RGS6: variants seen among roughly 807,000 people sequenced by gnomAD.
RGS6 encodes regulator of G protein signaling 6.
Under a neutral mutation model 78.5 loss-of-function variants are expected in RGS6, and 30 were observed. The observed-to-expected ratio is 0.38, with a 90% CI of 0.29 to 0.52. The LOEUF is 0.52. Among genes scored for constraint, RGS6 ranks in the 20% least tolerant of loss-of-function variants. The probability of loss-of-function intolerance (pLI) is 0.85; values close to 1 mark genes in which losing one functional copy is unlikely to be tolerated. For synonymous variants in RGS6, 206 were observed against 206.0 expected (o/e 1.00, Z 0.00); for missense variants, 495 against 609.7 (o/e 0.81, Z 1.98).
chr14:72,346,377 A>G (rs1219525717), intron 2 of RGS6, among the ~76,000 whole-genome samples: 1 of 152,118 alleles, frequency 6.6e-6, no homozygotes, highest in East Asian at 1.9e-4. Context: ...ATGGAGAAGG[A>G]GCAGTGTGAG....
At chr14:72,580,324 C>G in the RGS6 span, among the ~76,000 whole-genome samples, 1 of 149,930 alleles carries the variant, frequency 6.7e-6, no homozygotes, top group Non-Finnish European at 1.5e-5. Context: ...CACCCCGACC[C>G]CAGGGCCACA....
At chr14:72,483,379 T>C (rs2096420846) in intron 12 of RGS6, among the ~76,000 whole-genome samples, 1 of 152,210 alleles carries the variant, frequency 6.6e-6, no homozygotes, top group African/African-American at 2.4e-5. Context: ...CACAGCTGAC[T>C]GCTGAATTGA....
At chr14:72,540,155 T>C in intron 17 of RGS6, 61 bp downstream of exon 17, 1 of 1,525,472 alleles carries the variant, frequency 6.6e-7, no homozygotes, top group African/African-American at 1.4e-5. Flanking sequence ...TTCTTTCTTC[T>C]TCTTTTTTTT....
the RGS6 span, among the ~76,000 whole-genome samples, chr14:72,592,010 G>A: frequency 6.6e-6 from 1 of 152,292 alleles, no homozygotes; most frequent in African/African-American, 2.4e-5. Context: ...GGAGGGGAGA[G>A]TCATCCAAAA....
intron 2 of RGS6, among the ~76,000 whole-genome samples, chr14:72,153,268 C>T (rs1598456693): frequency 6.6e-6 from 1 of 152,284 alleles, no homozygotes; most frequent in South Asian, 2.1e-4. Flanking sequence ...GGTTGGGTTA[C>T]GGGGCTGCTC....
chr14:72,402,495 A>G (rs866612624), intron 3 of RGS6, among the ~76,000 whole-genome samples: 2 of 152,238 alleles, frequency 1.3e-5, no homozygotes, highest in African/African-American at 4.8e-5. Context: ...CAAGAGGTAT[A>G]TGAAAAAAAT....
chr14:72,562,909 T>A lies in RGS6; in HGVS notation c.*442T>A, dbSNP rs1480670190. On this transcript the variant is annotated 3_prime_UTR_variant, in exon 18 of 18. Coordinates refer to ENST00000553525, the MANE Select transcript of RGS6 (RefSeq NM_001204424.2). ...ACCGAGAGCACATCCAGCATTTGCA[T>A]CACCTCCCTGGCACCTCCCATAGTT... 2 of 709,340 alleles carry A rather than the reference T, an allele frequency of 2.8e-6. No homozygotes were observed. Among genetic ancestry groups the A allele is most frequent in the Non-Finnish European group, 4.9e-6 (2 of 407,732 alleles). 43.9% of individuals were successfully genotyped at this position (709,340 alleles called of 1,614,324 possible). A position where few individuals can be genotyped will look rare whatever the true frequency, so the allele number is the denominator to read the frequency against.
the RGS6 span, among the ~76,000 whole-genome samples, chr14:72,592,848 T>C: frequency 6.6e-6 from 1 of 152,210 alleles, no homozygotes; most frequent in African/African-American, 2.4e-5. Context: ...AAGATGTTTC[T>C]GCAGCCTTAG....
At chr14:72,500,007 T>C (rs997514664) in intron 13 of RGS6, among the ~76,000 whole-genome samples, 15 of 152,222 alleles carry the variant, frequency 9.9e-5, no homozygotes, top group Non-Finnish European at 1.0e-4. Context: ...CATTGGTATT[T>C]GGGAAAGGAG....
intron 2 of RGS6, among the ~76,000 whole-genome samples, chr14:72,319,255 C>T (rs2071179374): frequency 6.6e-6 from 1 of 151,974 alleles, no homozygotes; most frequent in African/African-American, 2.4e-5. Flanking sequence ...CACCAAAGAG[C>T]TCAAAACAGA....
At chr14:72,272,904 C>A (rs147226397) in intron 2 of RGS6, among the ~76,000 whole-genome samples, 3 of 152,200 alleles carry the variant, frequency 2.0e-5, no homozygotes, top group African/African-American at 7.2e-5. Context: ...CACCTGATGT[C>A]AGGAATTTGA....
At chr14:72,562,342 CA>C in intron 17 of RGS6, 74 bp from the exon 18 acceptor site, 1 of 1,455,820 alleles carries the variant, frequency 6.9e-7, no homozygotes, top group Non-Finnish European at 9.6e-7. Flanking sequence ...ACAATTAATT[CA>C]CCTGTCTGGC....
the RGS6 span, among the ~76,000 whole-genome samples, chr14:72,581,743 C>T: frequency 6.6e-6 from 1 of 152,232 alleles, no homozygotes; most frequent in African/African-American, 2.4e-5. Flanking sequence ...CCTATTCTTC[C>T]TCCAGTACTT....
chr14:72,280,111 C>T lies in RGS6; in HGVS notation c.85-71984C>T, dbSNP rs373413393. On this transcript the variant is annotated intron_variant, in intron 2 of 17. Transcript: ENST00000553525. The stretch of plus-strand genomic sequence containing the variant: ...GAAGTCAGCATGGTCCCCACCGCCA[C>T]GCCCCCACCCCAGGCCAAACTCTAA... Among the ~76,000 whole-genome samples the T allele has an allele frequency of 3.1e-3, 473 of 152,102 alleles. 1 individual carries two copies. Among genetic ancestry groups the T allele is most frequent in the African/African-American group, 0.011 (453 of 41,500 alleles).
intron 1 of RGS6, among the ~76,000 whole-genome samples, chr14:71,950,527 C>T (rs1002711143): frequency 6.6e-6 from 1 of 152,034 alleles, no homozygotes; most frequent in Non-Finnish European, 1.5e-5. Flanking sequence ...GATTTCATGA[C>T]AAAAACATCA....
chr14:72,499,192 C>G (rs1264152976), intron 13 of RGS6, among the ~76,000 whole-genome samples: 1 of 152,206 alleles, frequency 6.6e-6, no homozygotes, highest in Non-Finnish European at 1.5e-5. Flanking sequence ...TCTGCGAAAG[C>G]CAATGAGAGG....
intron 3 of RGS6, among the ~76,000 whole-genome samples, chr14:72,407,270 C>T (rs1293599157): frequency 6.6e-6 from 1 of 152,206 alleles, no homozygotes; most frequent in Non-Finnish European, 1.5e-5. Flanking sequence ...TGCTGAGCTG[C>T]ATGATCCTCA....
intron 3 of RGS6, among the ~76,000 whole-genome samples, chr14:72,427,073 C>T (rs550149606): frequency 6.6e-6 from 1 of 152,278 alleles, no homozygotes; most frequent in East Asian, 1.9e-4. Flanking sequence ...TGGCCATCAG[C>T]CTAATTTGCT....
chr14:71,936,030 A>ATATATACACATATATATATATATATG lies in RGS6; in HGVS notation c.-21+3095_-21+3096insCACATATATATATATATATGTATATA, dbSNP rs1555390439. Among the ~76,000 whole-genome samples the ATATATACACATATATATATATATATG allele has an allele frequency of 1.3e-4, 17 of 133,222 alleles. 2 individuals are homozygous for ATATATACACATATATATATATATATG. The highest frequency in any genetic ancestry group is 9.8e-4 in the South Asian group (4 of 4,100). The allele number at this position is 133,222 out of a possible 152,430, so 87.4% of individuals were successfully genotyped here. A position where few individuals can be genotyped will look rare whatever the true frequency, so the allele number is the denominator to read the frequency against. On this transcript the variant is annotated intron_variant, in intron 1 of 17. Coordinates refer to ENST00000553525, the MANE Select transcript of RGS6 (RefSeq NM_001204424.2). Reference sequence around the variant, plus strand: ...GAACTAATAGGATATATATATATATATATATATATATGTACATATATATCA... The same window carrying ATATATACACATATATATATATATATG: ...GAACTAATAGGATATATATATATATATATATACACATATATATATATATATGTATATATATATGTACATATATATCA...
Sources: allele counts gnomAD v4.1 joint callset (sites outside exome capture counted in the v4.1 genomes callset), GRCh38; gene constraint gnomAD v4.1.1; transcripts MANE v1.5; gene names NCBI Gene and HGNC (gene_info 2026-07-23, HGNC 2026-07-21).